Variants in CUX1 observed in about 807,000 individuals in gnomAD.
CUX1 encodes the protein protein CASP.
Under a neutral mutation model 158.8 loss-of-function variants are expected in CUX1, and 31 were observed. That is an observed-to-expected ratio of 0.20 (90% CI 0.15 to 0.26). CUX1 has a LOEUF of 0.26. Ranked by LOEUF, CUX1 falls within the 10% of genes least tolerant of loss-of-function variation. The pLI is 1.00. For synonymous variants in CUX1, 879 were observed against 862.1 expected (o/e 1.02, Z -0.34); for missense variants, 1,589 against 2,014.6 (o/e 0.79, Z 4.04).
intron 10 of CUX1, among the ~76,000 whole-genome samples, chr7:102,171,008 C>T (rs530979026): frequency 2.0e-5 from 3 of 152,328 alleles, no homozygotes; most frequent in African/African-American, 7.2e-5. Context: ...AATAAAATAA[C>T]ATTCTGCACC....
chr7:102,166,381 A>G (rs1190786786), intron 9 of CUX1, among the ~76,000 whole-genome samples: 4 of 152,156 alleles, frequency 2.6e-5, no homozygotes, highest in African/African-American at 9.7e-5. Context: ...CAAAAGTAGA[A>G]CGAGGGCTCC....
intron 15 of CUX1, chr7:102,273,542 A>G (rs1554546877): frequency 6.4e-7 from 1 of 1,566,968 alleles, no homozygotes; most frequent in Middle Eastern, 1.7e-4. Context: ...TGCCCAACTG[A>G]CTTAGCCTCT....
intron 5 of CUX1, among the ~76,000 whole-genome samples, chr7:102,099,649 C>T (rs1413397994): frequency 6.6e-6 from 1 of 152,086 alleles, no homozygotes; most frequent in Non-Finnish European, 1.5e-5. Context: ...ACAACCTTGA[C>T]CTCCTGGACT....
chr7:101,912,904 G>A (rs543453737), intron 1 of CUX1, among the ~76,000 whole-genome samples: 13 of 152,106 alleles, frequency 8.5e-5, no homozygotes, highest in Non-Finnish European at 1.6e-4. Context: ...CTTCTCACAC[G>A]TGACCCGTGA....
At chr7:102,130,726 C>T (rs1302168037) in intron 8 of CUX1, among the ~76,000 whole-genome samples, 2 of 152,046 alleles carry the variant, frequency 1.3e-5, no homozygotes, top group Non-Finnish European at 2.9e-5. Context: ...ATCCAAATAG[C>T]CTGAAGCACA....
chr7:101,924,809 A>C (rs746428181), intron 2 of CUX1, among the ~76,000 whole-genome samples: 1 of 151,974 alleles, frequency 6.6e-6, no homozygotes, highest in African/African-American at 2.4e-5. Context: ...TCCTGGGCTC[A>C]AGCGATCCTC....
intron 8 of CUX1, among the ~76,000 whole-genome samples, chr7:102,145,130 A>G (rs1183621650): frequency 6.6e-6 from 1 of 151,736 alleles, no homozygotes; most frequent in African/African-American, 2.4e-5. Flanking sequence ...GATTCAAGTA[A>G]GATCCACACG....
intron 1 of CUX1, among the ~76,000 whole-genome samples, chr7:101,856,434 A>T (rs1796829492): frequency 1.3e-5 from 2 of 152,168 alleles, no homozygotes; most frequent in Non-Finnish European, 2.9e-5. Flanking sequence ...TGAAGGCTCT[A>T]AAAATGGTCC....
intron 2 of CUX1, among the ~76,000 whole-genome samples, chr7:102,012,825 G>A (rs919122112): frequency 4.6e-5 from 7 of 152,044 alleles, no homozygotes; most frequent in South Asian, 2.1e-4. Flanking sequence ...CATCTTAGCC[G>A]GTCATGGAAT....
At chr7:101,882,212 G>T (rs771603890) in intron 1 of CUX1, among the ~76,000 whole-genome samples, 4 of 152,102 alleles carry the variant, frequency 2.6e-5, no homozygotes, top group Non-Finnish European at 5.9e-5. Flanking sequence ...AAAGGAACTT[G>T]TTTCCTAGCA....
chr7:102,252,087 T>A lies in CUX1; in HGVS notation c.*3045T>A. ...TACAATCAGTTGGTTAAATTTTGCTTGCAGTTCTGTGTATTTTTTTTCCTC... is the reference window on the plus strand; with the variant it reads ...TACAATCAGTTGGTTAAATTTTGCTAGCAGTTCTGTGTATTTTTTTTCCTC... On this transcript the variant is annotated 3_prime_UTR_variant, in exon 24 of 24. Transcript: ENST00000292535. 6 of 985,372 alleles carry A rather than the reference T, an allele frequency of 6.1e-6. No individual in the cohort carries two copies. Among genetic ancestry groups the A allele is most frequent in the Non-Finnish European group, 7.2e-6 (6 of 829,840 alleles). The allele number at this position is 985,372 out of a possible 1,614,324, so 61.0% of individuals were successfully genotyped here.
At chr7:101,890,790 C>G (rs1397125989) in intron 1 of CUX1, among the ~76,000 whole-genome samples, 1 of 152,112 alleles carries the variant, frequency 6.6e-6, no homozygotes, top group Non-Finnish European at 1.5e-5. Context: ...GCAAGTTAAC[C>G]TCGAACTCTT....
At chr7:102,137,036 T>A (rs1833981574) in intron 8 of CUX1, among the ~76,000 whole-genome samples, 1 of 152,220 alleles carries the variant, frequency 6.6e-6, no homozygotes, top group Admixed American at 6.5e-5. Context: ...AGCACGGGAC[T>A]GCATTACCTA....
At chr7:102,063,947 AG>A (rs1825243728) in intron 3 of CUX1, among the ~76,000 whole-genome samples, 1 of 152,074 alleles carries the variant, frequency 6.6e-6, no homozygotes, top group Middle Eastern at 3.2e-3. Flanking sequence ...TGGTGGTGGG[AG>A]GGGCCGCGGC....
intron 3 of CUX1, among the ~76,000 whole-genome samples, chr7:102,064,496 C>A (rs1825313756): frequency 6.6e-6 from 1 of 152,242 alleles, no homozygotes; most frequent in South Asian, 2.1e-4. Context: ...GATCCCTCCC[C>A]TTCTCAGAGG....
At chr7:102,036,792 T>G (rs1264911260) in intron 3 of CUX1, among the ~76,000 whole-genome samples, 1 of 151,198 alleles carries the variant, frequency 6.6e-6, no homozygotes, top group Non-Finnish European at 1.5e-5. Context: ...GAATCTGGCC[T>G]ATGCATATAT....
At chr7:102,164,084 A>G (rs1790750641) in intron 9 of CUX1, among the ~76,000 whole-genome samples, 1 of 152,216 alleles carries the variant, frequency 6.6e-6, no homozygotes, top group Non-Finnish European at 1.5e-5. Flanking sequence ...GGTCAATAAG[A>G]AGCCACAGCT....
intron 1 of CUX1, among the ~76,000 whole-genome samples, chr7:101,828,246 G>T (rs1008815855): frequency 6.6e-6 from 1 of 151,930 alleles, no homozygotes; most frequent in Non-Finnish European, 1.5e-5. Context: ...CTGGGATGAC[G>T]GGTGGGAGCC....
intron 2 of CUX1, among the ~76,000 whole-genome samples, chr7:102,006,815 G>A (rs1171754496): frequency 6.6e-6 from 1 of 152,250 alleles, no homozygotes. Flanking sequence ...GATGCATCAG[G>A]CGTCACTGCC....
Sources: gnomAD v4.1 joint callset for allele counts (sites outside exome capture counted in the v4.1 genomes callset) on GRCh38, gnomAD v4.1.1 for gene constraint, MANE v1.5 for transcripts, NCBI Gene and HGNC (gene_info 2026-07-23, HGNC 2026-07-21) for gene names.